TRAPPC8: variants seen among roughly 807,000 people sequenced by gnomAD.
The protein encoded by TRAPPC8 is general sporulation gene 1 homolog.
TRAPPC8 carries 54 observed loss-of-function variants against 174.3 expected under a neutral mutation model. The observed-to-expected ratio is 0.31, with a 90% CI of 0.25 to 0.39. The LOEUF (loss-of-function observed/expected upper bound fraction) is 0.39. TRAPPC8 is among the 10% of genes least tolerant of loss of function. The probability of loss-of-function intolerance (pLI) is 1.00; values close to 1 mark genes in which losing one functional copy is unlikely to be tolerated. For missense variants in TRAPPC8, 1,531 were observed against 1,699.1 expected (o/e 0.90, Z 1.74); for synonymous variants, 630 against 579.9 (o/e 1.09, Z -1.24).
chr18:31,832,266 ATAAGCTCCT>A, intron 27 of TRAPPC8, 93 bp from the exon 28 acceptor site: 1 of 526,576 alleles, frequency 1.9e-6, no homozygotes, highest in Non-Finnish European at 2.9e-6. Flanking sequence ...GTAACAGAGC[ATAAGCTCCT>A]TAAAAACAAT....
At chr18:31,914,387 C>T (rs1020509386) in intron 4 of TRAPPC8, among the ~76,000 whole-genome samples, 3 of 152,204 alleles carry the variant, frequency 2.0e-5, no homozygotes, top group African/African-American at 7.2e-5. Flanking sequence ...AATGATACTG[C>T]TAAACCTAAG....
chr18:31,870,552 A>C, intron 15 of TRAPPC8, 50 bp from the exon 16 acceptor site: 4 of 1,558,414 alleles, frequency 2.6e-6, no homozygotes, highest in Non-Finnish European at 1.7e-6. Context: ...ATCACACCTC[A>C]TTCTCAGCTT....
chr18:31,939,920 G>A (rs1010062746), intron 1 of TRAPPC8, among the ~76,000 whole-genome samples: 3 of 152,064 alleles, frequency 2.0e-5, no homozygotes, highest in African/African-American at 7.2e-5. Context: ...ATCTTCCCCA[G>A]TCTCCTGAAG....
intron 9 of TRAPPC8, among the ~76,000 whole-genome samples, chr18:31,904,248 A>G (rs1057056371): frequency 2.0e-5 from 3 of 152,142 alleles, no homozygotes; most frequent in East Asian, 1.9e-4. Flanking sequence ...AAAAAAAAAA[A>G]AAAGAAAAAA....
At chr18:31,852,929 T>G (rs1210061692) in intron 22 of TRAPPC8, 1 of 380,010 alleles carries the variant, frequency 2.6e-6, no homozygotes, top group Non-Finnish European at 4.8e-6. Context: ...ACAGTAAGTT[T>G]GAAAGATCAG....
chr18:31,857,388 G>C, intron 20 of TRAPPC8, 152 bp downstream of exon 20: 1 of 758,568 alleles, frequency 1.3e-6, no homozygotes, highest in Non-Finnish European at 1.9e-6. Context: ...AGAACTTACA[G>C]TTCTATTTGA....
chr18:31,922,931 C>T (rs1296088428), intron 2 of TRAPPC8, among the ~76,000 whole-genome samples: 1 of 152,130 alleles, frequency 6.6e-6, no homozygotes, highest in Non-Finnish European at 1.5e-5. Flanking sequence ...GTAGGAGGAT[C>T]GCTTGAGCCC....
At chr18:31,869,258 G>A (rs931883801) in intron 16 of TRAPPC8, among the ~76,000 whole-genome samples, 12 of 152,078 alleles carry the variant, frequency 7.9e-5, no homozygotes, top group African/African-American at 2.9e-4. Flanking sequence ...ATATAAATGA[G>A]GTTTTGAATA....
chr18:31,916,916 C>T (rs2037175015), intron 3 of TRAPPC8, among the ~76,000 whole-genome samples: 1 of 151,478 alleles, frequency 6.6e-6, no homozygotes, highest in African/African-American at 2.4e-5. Flanking sequence ...CTCCAACACT[C>T]CAAATAATTC....
intron 12 of TRAPPC8, among the ~76,000 whole-genome samples, chr18:31,878,418 T>C (rs555431152): frequency 9.2e-5 from 14 of 152,184 alleles, no homozygotes; most frequent in Non-Finnish European, 1.9e-4. Context: ...AGCTTCATAA[T>C]TGAAGGAAAA....
At chr18:31,928,710 G>A (rs1345214598) in intron 2 of TRAPPC8, among the ~76,000 whole-genome samples, 2 of 152,052 alleles carry the variant, frequency 1.3e-5, no homozygotes, top group Non-Finnish European at 2.9e-5. Context: ...TATGATTACT[G>A]ATTAACACGT....
intron 1 of TRAPPC8, chr18:31,939,440 T>C (rs1299032252): frequency 1.3e-5 from 2 of 152,186 alleles, no homozygotes; most frequent in Non-Finnish European, 2.9e-5. Flanking sequence ...CCTCCCTTTA[T>C]CTAAGCATCC....
chr18:31,917,518 T>A, intron 3 of TRAPPC8, 60 bp downstream of exon 3: 1 of 1,488,546 alleles, frequency 6.7e-7, no homozygotes, highest in South Asian at 1.2e-5. Flanking sequence ...ATTAACTATT[T>A]CTGAGATTAA....
intron 19 of TRAPPC8, among the ~76,000 whole-genome samples, chr18:31,859,115 CAAAA>C (rs986150038): frequency 7.4e-6 from 1 of 134,752 alleles, no homozygotes; most frequent in African/African-American, 2.8e-5. Context: ...AACAAACAAA[CAAAA>C]AAACAGATAT....
At chr18:31,853,469 T>C (rs1216392351) in intron 22 of TRAPPC8, among the ~76,000 whole-genome samples, 1 of 152,054 alleles carries the variant, frequency 6.6e-6, no homozygotes, top group Admixed American at 6.6e-5. Flanking sequence ...GGTTTTACCA[T>C]GTTGGCCAGG....
At chr18:31,832,396 T>G (rs1018028154) in intron 27 of TRAPPC8, 1 of 192,918 alleles carries the variant, frequency 5.2e-6, no homozygotes, top group African/African-American at 2.3e-5. Flanking sequence ...ATATATACAT[T>G]CACAGAACTA....
chr18:31,831,361 A>C (rs1270876088), intron 28 of TRAPPC8, among the ~76,000 whole-genome samples: 1 of 152,134 alleles, frequency 6.6e-6, no homozygotes, highest in Non-Finnish European at 1.5e-5. Context: ...GAAGAAAACA[A>C]ACATCCCTTT....
At chr18:31,833,347 T>C (rs2032491576) in intron 27 of TRAPPC8, 1 of 152,198 alleles carries the variant, frequency 6.6e-6, no homozygotes, top group Admixed American at 6.5e-5. Context: ...GTGAAACTCA[T>C]CATCTTCATT....
At chr18:31,880,090 A>AAAAAATATATATAT (rs1259899654) in intron 12 of TRAPPC8, among the ~76,000 whole-genome samples, 8 of 85,352 alleles carry the variant, frequency 9.4e-5, no homozygotes, top group African/African-American at 3.6e-4. Context: ...TGAAAAAAAA[A>AAAAAATATATATAT]ATATATATAT....
Sources: gnomAD v4.1 joint callset for allele counts (sites outside exome capture counted in the v4.1 genomes callset) on GRCh38, gnomAD v4.1.1 for gene constraint, MANE v1.5 for transcripts, NCBI Gene and HGNC (gene_info 2026-07-23, HGNC 2026-07-21) for gene names.